Variants in TMBIM1 observed in about 807,000 individuals in gnomAD.
The protein encoded by TMBIM1 is protein lifeguard 3.
TMBIM1 carries 34 observed loss-of-function variants against 45.1 expected under a neutral mutation model. The observed-to-expected ratio is 0.75, with a 90% CI of 0.57 to 1.00. The LOEUF (loss-of-function observed/expected upper bound fraction) is 1.00. Ranked by LOEUF, TMBIM1 falls within the 50% of genes least tolerant of loss-of-function variation. The probability of loss-of-function intolerance (pLI) is 0.00; values close to 1 mark genes in which losing one functional copy is unlikely to be tolerated. For synonymous variants in TMBIM1, 157 were observed against 153.5 expected (o/e 1.02, Z -0.17); for missense variants, 374 against 402.4 (o/e 0.93, Z 0.60).
At position 218,277,936 on chromosome 2, in the gene TMBIM1, A is replaced by G. The variant is rs776153753; in HGVS notation, c.512T>C (p.Phe171Ser). 2.5e-6 allele frequency: 4 copies of G among 1,614,076 alleles called. No homozygotes were observed. The highest frequency in any genetic ancestry group is 3.4e-6 in the Non-Finnish European group (4 of 1,180,034). ...CTCCTGCCACCCTTCTAGACTTACAAAAAGGGTCAGCAGAATGATGTTCCA... is the reference window on the plus strand; with the variant it reads ...CTCCTGCCACCCTTCTAGACTTACAGAAAGGGTCAGCAGAATGATGTTCCA... ...FPWNIILLTL[F>S]TFAMGFMTGT... Residue 171 changes from phenylalanine (F) to serine (S), a missense_variant and splice_region_variant, in exon 7 of 12, where the codon TTT (phenylalanine) becomes TCT (serine). Transcript: ENST00000258412.
chr2:218,279,599 C>T (rs1341650294), intron 3 of TMBIM1: 7 of 509,758 alleles, frequency 1.4e-5, no homozygotes, highest in African/African-American at 1.9e-5. Flanking sequence ...CTTGCCCTGC[C>T]TGGCCACCAT....
rs1272122616 is a variant in TMBIM1 at position 218,279,094 on chromosome 2, G to A, written c.369-3C>T. On this transcript the variant is annotated splice_region_variant and splice_polypyrimidine_tract_variant and intron_variant, in intron 4 of 11. Coordinates refer to ENST00000258412, the MANE Select transcript of TMBIM1 (RefSeq NM_022152.6). The stretch of plus-strand genomic sequence containing the variant: ...TCACAAAGGCGCTGACAGGTTCCCT[G>A]TGGGGCACAGGAGGACAGGAGTAGT... The A allele has an allele frequency of 2.5e-6, 4 of 1,614,126 alleles. No individual in the cohort carries two copies. The highest frequency in any genetic ancestry group is 3.4e-6 in the Non-Finnish European group (4 of 1,180,010).
chr2:218,285,044 C>T (rs765785829), intron 1 of TMBIM1, among the ~76,000 whole-genome samples: 4 of 152,186 alleles, frequency 2.6e-5, no homozygotes, highest in African/African-American at 7.2e-5. Flanking sequence ...GAGCCACAAT[C>T]GTGCCACTGC....
chr2:218,285,060 A>G (rs1431126760), intron 1 of TMBIM1, among the ~76,000 whole-genome samples: 2 of 152,258 alleles, frequency 1.3e-5, no homozygotes, highest in East Asian at 3.8e-4. Flanking sequence ...ACTGCACTCC[A>G]GCCTGGGTGA....
intron 1 of TMBIM1, among the ~76,000 whole-genome samples, chr2:218,287,483 G>A (rs1692613758): frequency 6.6e-6 from 1 of 152,164 alleles, no homozygotes; most frequent in Non-Finnish European, 1.5e-5. Flanking sequence ...GCCGAGGCAG[G>A]TGGATCACGA....
In TMBIM1 at chr2:218,275,257, C is replaced by A. The variant is rs1004747214; in HGVS notation, c.*218G>T. 6 of 496,124 alleles carry A rather than the reference C, an allele frequency of 1.2e-5. No individual in the cohort carries two copies. The highest frequency in any genetic ancestry group is 9.9e-5 in the African/African-American group (5 of 50,506). 30.7% of individuals were successfully genotyped at this position (496,124 alleles called of 1,614,324 possible). A position where few individuals can be genotyped will look rare whatever the true frequency, so the allele number is the denominator to read the frequency against. On this transcript the variant is annotated 3_prime_UTR_variant, in exon 12 of 12. Coordinates refer to ENST00000258412, the MANE Select transcript of TMBIM1 (RefSeq NM_022152.6). Reference sequence around the variant, plus strand: ...CATCTTCAGCCTAGTCCCTGCCAAGCCCACCAAGAGCAACAGTTAGTCCCT... The same window carrying A: ...CATCTTCAGCCTAGTCCCTGCCAAGACCACCAAGAGCAACAGTTAGTCCCT...
At chr2:218,281,130 T>TTTTATTTTTTTTGG (rs143489589) in intron 2 of TMBIM1, 1 of 117,346 alleles carries the variant, frequency 8.5e-6, no homozygotes. Flanking sequence ...TTGTTTTTTG[T>TTTTATTTTTTTTGG]TTTTTTTTTG....
chr2:218,292,051 T>C (rs1342125594), intron 1 of TMBIM1, among the ~76,000 whole-genome samples: 1 of 151,590 alleles, frequency 6.6e-6, no homozygotes, highest in African/African-American at 2.4e-5. Context: ...CCCTCCCTCT[T>C]CCCTCTTCTC....
At chr2:218,278,350 A>C (rs1489130873) in intron 6 of TMBIM1, 165 bp downstream of exon 6, 10 of 709,968 alleles carry the variant, frequency 1.4e-5, no homozygotes, top group Non-Finnish European at 2.4e-5. Context: ...CTAAACACAC[A>C]TGGTCCTTTG....
rs760532250 is a variant in TMBIM1, at chr2:218,279,102, CAGG to C, written c.369-14_369-12del. On this transcript the variant is annotated splice_polypyrimidine_tract_variant and intron_variant, in intron 4 of 11. Coordinates refer to ENST00000258412, the MANE Select transcript of TMBIM1 (RefSeq NM_022152.6). ...GCGCTGACAGGTTCCCTGTGGGGCA[CAGG>C]AGGACAGGAGTAGTCACCCTGAGGC... 5 of 1,613,954 alleles carry C rather than the reference CAGG, an allele frequency of 3.1e-6. No individual in the cohort carries two copies. The highest frequency in any genetic ancestry group is 1.3e-5 in the African/African-American group (1 of 74,902).
At position 218,279,175 on chromosome 2, in the gene TMBIM1, T is replaced by C; in HGVS notation, c.369-84A>G. ...CAGCCAGGCAGCCCTGGCTTCACCT[T>C]CTCTAATTGCCCATGGTCACCCTGA... On this transcript the variant is annotated intron_variant, in intron 4 of 11. Transcript: ENST00000258412. 5.7e-6 allele frequency: 9 copies of C among 1,590,938 alleles called. No individual in the cohort carries two copies. In the South Asian group the frequency reaches 1.0e-4, roughly 18 times the overall value.
At chr2:218,291,293 C>G (rs1242483126) in intron 1 of TMBIM1, among the ~76,000 whole-genome samples, 3 of 152,170 alleles carry the variant, frequency 2.0e-5, no homozygotes, top group Non-Finnish European at 4.4e-5. Context: ...TCTCTGGATC[C>G]TCATGACTGG....
At position 218,275,561 on chromosome 2, in the gene TMBIM1, C is replaced by T. The variant is rs148573957; in HGVS notation, c.850G>A (p.Asp284Asn). Residue 284 changes from aspartate (D) to asparagine (N), a missense_variant, in exon 12 of 12, where the codon GAC becomes AAC. Coordinates refer to ENST00000258412, the MANE Select transcript of TMBIM1 (RefSeq NM_022152.6). ...ATCTGCAGGGCGCCAGTGATGTAGT[C>T]CTCGGGGCTGATGGTGTGCTTCCGG... ...GNRKHTISPE[D>N]YITGALQIYT... 2.5e-5 allele frequency: 41 copies of T among 1,613,878 alleles called. No homozygotes were observed. The African/African-American group carries it at 4.5e-4, about 18-fold the overall frequency.
intron 3 of TMBIM1, 114 bp from the exon 4 acceptor site, chr2:218,279,467 G>A (rs1425246494): frequency 1.1e-6 from 1 of 914,512 alleles, no homozygotes; most frequent in Non-Finnish European, 1.6e-6. Flanking sequence ...GCTGCAGCCT[G>A]GCCCAGAGGC....
intron 1 of TMBIM1, chr2:218,287,120 A>G (rs2106231193): frequency 6.6e-6 from 1 of 152,240 alleles, no homozygotes; most frequent in Non-Finnish European, 1.5e-5. Context: ...ATATCCTTCC[A>G]TCAGCCTGGA....
chr2:218,276,613 A>C (rs1482501761), intron 10 of TMBIM1, among the ~76,000 whole-genome samples: 1 of 150,842 alleles, frequency 6.6e-6, no homozygotes, highest in Non-Finnish European at 1.5e-5. Context: ...CCAGCTGAAC[A>C]GAATAAAGGA....
intron 1 of TMBIM1, among the ~76,000 whole-genome samples, chr2:218,282,735 C>A (rs568354060): frequency 6.6e-6 from 1 of 152,166 alleles, no homozygotes; most frequent in African/African-American, 2.4e-5. Context: ...AGTGCCAGAG[C>A]TGCCAGGCCC....
rs192455527 is a variant in TMBIM1 at position 218,278,994 on chromosome 2, C to T, written c.422+44G>A. On this transcript the variant is annotated intron_variant, in intron 5 of 11. Transcript: ENST00000258412. ...GCTGGTCACCTAGAAACAGAAGCTG[C>T]CACCCCTGCCTCCCTGCCCAACCAC... The T allele has an allele frequency of 1.1e-4, 180 of 1,610,256 alleles. 1 individual carries two copies. In the East Asian group the frequency reaches 3.6e-3, roughly 32 times the overall value.
chr2:218,288,855 A>G (rs921435956), intron 1 of TMBIM1, among the ~76,000 whole-genome samples: 1 of 152,202 alleles, frequency 6.6e-6, no homozygotes, highest in South Asian at 2.1e-4. Context: ...CCCATTTTGG[A>G]TAAGAGACAC....
Sources: allele counts gnomAD v4.1 joint callset (sites outside exome capture counted in the v4.1 genomes callset), GRCh38; gene constraint gnomAD v4.1.1; transcripts MANE v1.5; gene names NCBI Gene and HGNC (gene_info 2026-07-23, HGNC 2026-07-21).